The following SNX7 variants were observed in gnomAD, a reference collection of about 807,000 sequenced individuals.
The protein encoded by SNX7 is sorting nexin 7.
In SNX7, 35 loss-of-function variants were observed where a neutral mutation model predicts 48.4. That is an observed-to-expected ratio of 0.72 (90% CI 0.55 to 0.96). The LOEUF (loss-of-function observed/expected upper bound fraction) is 0.96, where lower values mean the gene tolerates loss of function less well. SNX7 is among the 40% of genes least tolerant of loss of function. SNX7 has a pLI of 0.00. For synonymous variants in SNX7, 190 were observed against 190.2 expected (o/e 1.00, Z 0.01); for missense variants, 553 against 548.9 (o/e 1.01, Z -0.07).
chr1:98,719,953 A>G (rs570563513), intron 7 of SNX7, among the ~76,000 whole-genome samples: 153 of 150,578 alleles, frequency 1.0e-3, no homozygotes, highest in Non-Finnish European at 1.8e-3. Context: ...AACTGTATAT[A>G]TTTTAATAAC....
chr1:98,743,642 C>T (rs968660115), intron 8 of SNX7, among the ~76,000 whole-genome samples: 3 of 152,036 alleles, frequency 2.0e-5, no homozygotes, highest in African/African-American at 4.8e-5. Context: ...ATAGATCTCA[C>T]AGCAGTCCTC....
chr1:98,662,018 G>A, intron 1 of SNX7, 107 bp downstream of exon 1: 2 of 1,156,312 alleles, frequency 1.7e-6, no homozygotes. Flanking sequence ...CGGGGCGGTG[G>A]CTCTGAGCTG....
At chr1:98,681,240 A>G (rs1182938407) in intron 1 of SNX7, among the ~76,000 whole-genome samples, 1 of 152,004 alleles carries the variant, frequency 6.6e-6, no homozygotes, top group Admixed American at 6.6e-5. Flanking sequence ...CACGGGAAAG[A>G]CCCGCCCCCA....
At chr1:98,693,822 G>A (rs957891778) in intron 4 of SNX7, among the ~76,000 whole-genome samples, 1 of 152,114 alleles carries the variant, frequency 6.6e-6, no homozygotes, top group African/African-American at 2.4e-5. Context: ...ATTTTTATCT[G>A]TAAATTAGGT....
At chr1:98,720,593 A>T (rs564418550) in intron 7 of SNX7, among the ~76,000 whole-genome samples, 15 of 152,196 alleles carry the variant, frequency 9.9e-5, no homozygotes, top group African/African-American at 3.6e-4. Context: ...GCTATACATT[A>T]TGGTACCCAC....
chr1:98,675,848 C>A (rs899229749), intron 1 of SNX7, among the ~76,000 whole-genome samples: 1 of 152,024 alleles, frequency 6.6e-6, no homozygotes, highest in African/African-American at 2.4e-5. Flanking sequence ...ATCTATGCAA[C>A]CTTGTTAAGA....
At chr1:98,712,063 G>A (rs866467257) in intron 7 of SNX7, among the ~76,000 whole-genome samples, 1 of 152,044 alleles carries the variant, frequency 6.6e-6, no homozygotes, top group Non-Finnish European at 1.5e-5. Flanking sequence ...ATCTCTTCAG[G>A]CTCTACTTCT....
intron 8 of SNX7, among the ~76,000 whole-genome samples, chr1:98,749,952 T>G (rs1654501815): frequency 1.3e-5 from 2 of 151,998 alleles, no homozygotes; most frequent in Non-Finnish European, 2.9e-5. Context: ...TTCCAATTGG[T>G]AGCTTACTGA....
intron 4 of SNX7, among the ~76,000 whole-genome samples, chr1:98,693,847 T>C (rs1651279449): frequency 6.6e-6 from 1 of 152,224 alleles, no homozygotes; most frequent in African/African-American, 2.4e-5. Flanking sequence ...AGCAGTATTT[T>C]ATTTGATCAT....
At chr1:98,724,020 A>G (rs576675798) in intron 7 of SNX7, among the ~76,000 whole-genome samples, 2 of 152,182 alleles carry the variant, frequency 1.3e-5, no homozygotes, top group Admixed American at 1.3e-4. Context: ...CCTGATTGTA[A>G]AGTAAATGCT....
At chr1:98,711,905 A>G (rs1428550124) in intron 7 of SNX7, among the ~76,000 whole-genome samples, 1 of 152,160 alleles carries the variant, frequency 6.6e-6, no homozygotes, top group Non-Finnish European at 1.5e-5. Context: ...AGTTTTCATA[A>G]TATTCTGAGT....
chr1:98,686,069 A>C (rs1327038708), intron 2 of SNX7, among the ~76,000 whole-genome samples: 1 of 152,100 alleles, frequency 6.6e-6, no homozygotes, highest in African/African-American at 2.4e-5. Flanking sequence ...TTGCTCTCAA[A>C]ACTGCATATA....
At position 98,740,920 on chromosome 1, in the gene SNX7, A is replaced by AT. The variant is rs919069475; in HGVS notation, c.1278+2537dup. On this transcript the variant is annotated intron_variant, in intron 8 of 8. Transcript: ENST00000306121. Reference sequence around the variant, plus strand: ...CCTTATAGCTCCAATTGTTTGTTGAATTTTTTCCTGAGTGGAAAACTTTTA... The same window carrying AT: ...CCTTATAGCTCCAATTGTTTGTTGAATTTTTTTCCTGAGTGGAAAACTTTTA... 5.9e-5 allele frequency among the ~76,000 whole-genome samples: 9 copies of AT among 152,198 alleles called. No homozygotes were observed. The East Asian group carries it at 1.2e-3, about 20-fold the overall frequency.
At chr1:98,662,023 G>C (rs1649256572) in intron 1 of SNX7, 112 bp downstream of exon 1, 1 of 1,140,558 alleles carries the variant, frequency 8.8e-7, no homozygotes, top group Non-Finnish European at 1.1e-6. Flanking sequence ...CGGTGGCTCT[G>C]AGCTGGGGAC....
Position 98,673,939 on chromosome 1 carries a change from G to T in SNX7, c.181-10946G>T, listed in dbSNP as rs186716458. On this transcript the variant is annotated intron_variant, in intron 1 of 8. Transcript: ENST00000306121. ...AAGATTAATATTTTGTTTTTGACTT[G>T]TGTAAGCAGCCACTTTGAATTTGTA... Among the ~76,000 whole-genome samples, 471 of 152,268 alleles carry T rather than the reference G, an allele frequency of 3.1e-3. 3 individuals are homozygous for T. Among genetic ancestry groups the T allele is most frequent in the African/African-American group, 0.011 (456 of 41,544 alleles).
intron 7 of SNX7, among the ~76,000 whole-genome samples, chr1:98,708,285 G>A (rs1179710901): frequency 6.6e-6 from 1 of 152,100 alleles, no homozygotes; most frequent in South Asian, 2.1e-4. Flanking sequence ...CCAGTGGGAT[G>A]AGAAAAGGCT....
chr1:98,740,358 T>A (rs1654008716), intron 8 of SNX7, among the ~76,000 whole-genome samples: 1 of 152,126 alleles, frequency 6.6e-6, no homozygotes, highest in Non-Finnish European at 1.5e-5. Flanking sequence ...GTTAAGAAAG[T>A]CAACATGTGA....
rs144513481 is a variant in SNX7 at position 98,745,993 on chromosome 1, C to G, written c.1278+7604C>G. Among the ~76,000 whole-genome samples, 557 of 152,000 alleles carry G rather than the reference C, an allele frequency of 3.7e-3. 5 individuals are homozygous for G. The highest frequency in any genetic ancestry group is 0.012 in the African/African-American group (518 of 41,488). On this transcript the variant is annotated intron_variant, in intron 8 of 8. Coordinates refer to ENST00000306121, the MANE Select transcript of SNX7 (RefSeq NM_015976.5). The stretch of plus-strand genomic sequence containing the variant: ...ATATGTCACTTTTTTGTTGAGCAAT[C>G]AGTTCTTTTTTCAAATAGAATCTGA...
chr1:98,673,122 A>G (rs1224320791), intron 1 of SNX7, among the ~76,000 whole-genome samples: 1 of 152,194 alleles, frequency 6.6e-6, no homozygotes, highest in Non-Finnish European at 1.5e-5. Flanking sequence ...ACATTCATTT[A>G]TCACAGAGTG....
Sources: allele counts gnomAD v4.1 joint callset (sites outside exome capture counted in the v4.1 genomes callset), GRCh38; gene constraint gnomAD v4.1.1; transcripts MANE v1.5; gene names NCBI Gene and HGNC (gene_info 2026-07-23, HGNC 2026-07-21).